The following ATP10A variants were observed in gnomAD, a reference collection of about 807,000 sequenced individuals.
The protein encoded by ATP10A is phospholipid-transporting ATPase VA.
Under a neutral mutation model 147.8 loss-of-function variants are expected in ATP10A, and 111 were observed. The observed-to-expected ratio is 0.75, with a 90% CI of 0.64 to 0.88. ATP10A has a LOEUF of 0.88. Ranked by LOEUF, ATP10A falls within the 40% of genes least tolerant of loss-of-function variation. The pLI is 0.00. For missense variants in ATP10A, 1,927 were observed against 1,959.0 expected (o/e 0.98, Z 0.31); for synonymous variants, 875 against 841.6 (o/e 1.04, Z -0.69).
intron 1 of ATP10A, among the ~76,000 whole-genome samples, chr15:25,829,037 G>A (rs1466317979): frequency 1.3e-5 from 2 of 152,206 alleles, no homozygotes; most frequent in African/African-American, 2.4e-5. Context: ...GGGGGTAACA[G>A]ACACACAACT....
chr15:25,784,145 G>A (rs1364136172), intron 1 of ATP10A, among the ~76,000 whole-genome samples: 1 of 152,200 alleles, frequency 6.6e-6, no homozygotes, highest in Non-Finnish European at 1.5e-5. Context: ...GGCTCCTGCA[G>A]AGGACACGAA....
chr15:25,745,836 A>G (rs2140528722), intron 2 of ATP10A, among the ~76,000 whole-genome samples: 1 of 152,350 alleles, frequency 6.6e-6, no homozygotes, highest in Non-Finnish European at 1.5e-5. Context: ...ACTGATAGTC[A>G]AAGATGCATG....
chr15:25,843,054 C>A (rs992423799), intron 1 of ATP10A, among the ~76,000 whole-genome samples: 5 of 152,164 alleles, frequency 3.3e-5, no homozygotes, highest in Non-Finnish European at 7.3e-5. Flanking sequence ...TGATCACCCT[C>A]CATTATCCAG....
At chr15:25,767,298 G>A (rs912283098) in intron 2 of ATP10A, among the ~76,000 whole-genome samples, 12 of 152,222 alleles carry the variant, frequency 7.9e-5, no homozygotes, top group African/African-American at 2.9e-4. Flanking sequence ...AGACGGTGAA[G>A]GGGGTGCCAT....
chr15:25,803,446 A>T (rs559372744), intron 1 of ATP10A, among the ~76,000 whole-genome samples: 1 of 152,290 alleles, frequency 6.6e-6, no homozygotes, highest in East Asian at 1.9e-4. Context: ...ACAAGGACTG[A>T]ATGGCTAGGA....
intron 3 of ATP10A, among the ~76,000 whole-genome samples, chr15:25,733,482 T>C (rs1015777840): frequency 1.3e-5 from 2 of 152,108 alleles, no homozygotes; most frequent in Non-Finnish European, 2.9e-5. Context: ...TTCAGGCTGA[T>C]GGTCCGGGGC....
intron 1 of ATP10A, among the ~76,000 whole-genome samples, chr15:25,851,862 G>A (rs946643949): frequency 6.6e-6 from 1 of 152,026 alleles, no homozygotes; most frequent in Admixed American, 6.6e-5. Flanking sequence ...CCAGGAGTTC[G>A]AGACCAGCAT....
chr15:25,679,568 G>C lies in ATP10A; in HGVS notation c.4273C>G (p.Pro1425Ala), dbSNP rs1316893714. The C allele has an allele frequency of 6.2e-7, 1 of 1,611,084 alleles. No homozygotes were observed. The highest frequency in any genetic ancestry group is 2.2e-5 in the East Asian group (1 of 44,822). The part of the protein sequence containing the change: ...VRAASTGRVT[P>A]LSSLFSLPTF... ...GGCAGGCTGAAGAGGGAAGACAGGG[G>C]GGTCACCCTGCCGGTGCTGGCAGCT... Residue 1425 changes from proline (P) to alanine (A), a missense_variant, in exon 21 of 21, where the codon CCC becomes GCC. Transcript: ENST00000555815.
chr15:25,826,180 AG>A (rs1252305100), intron 1 of ATP10A, among the ~76,000 whole-genome samples: 4 of 152,350 alleles, frequency 2.6e-5, no homozygotes, highest in Admixed American at 2.6e-4. Flanking sequence ...AGAGTCCCGT[AG>A]GACATCATCA....
Position 25,693,769 on chromosome 15 carries a change from C to T in ATP10A, c.3088+1050G>A, listed in dbSNP as rs77146951. ...GTTACTGGCCTCAGGGTGTGTAGGG[C>T]AGGGTCCCCATGACGACCGTGTTCA... On this transcript the variant is annotated intron_variant, in intron 14 of 20. Coordinates refer to ENST00000555815, the MANE Select transcript of ATP10A (RefSeq NM_024490.4). 4.6e-3 allele frequency among the ~76,000 whole-genome samples: 703 copies of T among 152,304 alleles called. 24 individuals carry two copies. Among genetic ancestry groups the T allele is most frequent in the Admixed American group, 0.03 (455 of 15,306 alleles).
At position 25,680,851 on chromosome 15, in the gene ATP10A, G is replaced by A. The variant is rs1257865260; in HGVS notation, c.3637C>T (p.Leu1213Phe). Reference protein sequence around the residue: ...WGTPIVTIALLTFLLHLGIET... With the variant: ...WGTPIVTIALFTFLLHLGIET... ...ATGCCCAGGTGGAGCAGGAAAGTGA[G>A]CAGCGCGATTGTCACAATAGGGGTC... Residue 1213 changes from leucine to phenylalanine, a missense_variant, in exon 19 of 21, where the codon CTC becomes TTC. Leu to Phe is a conservative substitution (Grantham distance 22). Transcript: ENST00000555815. 6.8e-6 allele frequency: 11 copies of A among 1,613,878 alleles called. No individual in the cohort carries two copies. In the African/African-American group the frequency reaches 1.3e-4, roughly 20 times the overall value.
chr15:25,846,102 A>G (rs1431273564), intron 1 of ATP10A, among the ~76,000 whole-genome samples: 1 of 152,148 alleles, frequency 6.6e-6, no homozygotes, highest in Non-Finnish European at 1.5e-5. Flanking sequence ...CACCCAGGGC[A>G]GTCCACTTCG....
chr15:25,713,624 C>T (rs1361751231), intron 10 of ATP10A, 50 bp downstream of exon 10: 2 of 1,557,878 alleles, frequency 1.3e-6, no homozygotes, highest in Admixed American at 3.9e-5. Flanking sequence ...GGATATTTCT[C>T]AGGACCTCCT....
chr15:25,695,181 CAG>C lies in ATP10A; in HGVS notation c.2761-37_2761-36del, dbSNP rs765123921. On this transcript the variant is annotated intron_variant, in intron 13 of 20. Transcript: ENST00000555815. ...ACATGAGAGGACAGCGCAGTTCCCT[CAG>C]AGTCATGCCACAAACATCCCCGCCC... The C allele has an allele frequency of 2.5e-3, 3,811 of 1,555,088 alleles. 6 individuals carry two copies. The highest frequency in any genetic ancestry group is 4.1e-3 in the Middle Eastern group (24 of 5,800).
At chr15:25,851,073 G>A (rs1893276181) in intron 1 of ATP10A, among the ~76,000 whole-genome samples, 1 of 147,216 alleles carries the variant, frequency 6.8e-6, no homozygotes, top group South Asian at 2.2e-4. Context: ...CGCCGAACTT[G>A]GGGAGGGAGC....
chr15:25,719,477 G>A (rs1185762833), intron 7 of ATP10A, among the ~76,000 whole-genome samples: 1 of 152,178 alleles, frequency 6.6e-6, no homozygotes, highest in Admixed American at 6.5e-5. Flanking sequence ...CGGAAGCAAG[G>A]ACGCACAGAA....
rs145066201 is a variant in ATP10A at position 25,681,456 on chromosome 15, G to A, written c.3493-382C>T. Among the ~76,000 whole-genome samples, 8 of 152,232 alleles carry A rather than the reference G, an allele frequency of 5.3e-5. No homozygotes were observed. The East Asian group carries it at 1.2e-3, about 22-fold the overall frequency. The stretch of plus-strand genomic sequence containing the variant: ...CTAAATATGCACATAGCTTACTACA[G>A]CACACACATTCCCATTGCAGTGCCC... On this transcript the variant is annotated intron_variant, in intron 17 of 20. Transcript: ENST00000555815.
At chr15:25,769,195 C>T (rs767620261) in intron 2 of ATP10A, among the ~76,000 whole-genome samples, 62 of 152,164 alleles carry the variant, frequency 4.1e-4, no homozygotes, top group African/African-American at 1.4e-3. Flanking sequence ...TTTACTTTTA[C>T]ATGCATATAG....
chr15:25,744,245 A>G lies in ATP10A; in HGVS notation c.655-8104T>C, dbSNP rs1007489033. The stretch of plus-strand genomic sequence containing the variant: ...AACTGAGTGGCCCAGAAAAATCTCA[A>G]TGTGAAAAATGGAGTATAATAATTC... On this transcript the variant is annotated intron_variant, in intron 2 of 20. Transcript: ENST00000555815. Among the ~76,000 whole-genome samples the G allele has an allele frequency of 4.6e-5, 7 of 152,134 alleles. No homozygotes were observed. In the South Asian group the frequency reaches 1.0e-3, roughly 23 times the overall value.
Sources: allele counts gnomAD v4.1 joint callset (sites outside exome capture counted in the v4.1 genomes callset), GRCh38; gene constraint gnomAD v4.1.1; transcripts MANE v1.5; gene names NCBI Gene and HGNC (gene_info 2026-07-23, HGNC 2026-07-21).